The following ANGPT2 variants were observed in gnomAD, a reference collection of about 807,000 sequenced individuals.
ANGPT2 encodes angiopoietin 2, also known as angiopoietin-2.
In ANGPT2, 28 loss-of-function variants were observed where a neutral mutation model predicts 62.9. The ratio of observed to expected loss-of-function variants is 0.44; its 90% CI spans 0.33 to 0.61. The LOEUF is 0.61. Among genes scored for constraint, ANGPT2 ranks in the 20% least tolerant of loss-of-function variants. ANGPT2 has a pLI of 0.03. For synonymous variants in ANGPT2, 284 were observed against 207.8 expected, an observed-to-expected ratio of 1.37 and a Z score of -3.15; for missense variants, 727 against 594.9, an observed-to-expected ratio of 1.22 and a Z score of -2.31.
At chr8:6,524,026 T>C (rs1218628212) in intron 3 of ANGPT2, among the ~76,000 whole-genome samples, 3 of 152,214 alleles carry the variant, frequency 2.0e-5, no homozygotes, top group Non-Finnish European at 4.4e-5. Context: ...TTCATTTTGT[T>C]TGTACAAGGC....
chr8:6,519,097 G>A (rs960584069), intron 5 of ANGPT2, among the ~76,000 whole-genome samples: 1 of 152,182 alleles, frequency 6.6e-6, no homozygotes, highest in African/African-American at 2.4e-5. Context: ...AGTGAACTCC[G>A]CTGCTGGAGA....
chr8:6,548,007 A>C (rs535932752), intron 1 of ANGPT2, among the ~76,000 whole-genome samples: 172 of 151,854 alleles, frequency 1.1e-3, no homozygotes, highest in Middle Eastern at 6.8e-3. Context: ...CCTCAGTTGT[A>C]GAAATTTAGT....
intron 1 of ANGPT2, among the ~76,000 whole-genome samples, chr8:6,533,709 T>A (rs971992286): frequency 6.6e-6 from 1 of 151,936 alleles, no homozygotes; most frequent in East Asian, 1.9e-4. Context: ...GTTTATTACA[T>A]TGAATAATTG....
At chr8:6,549,375 T>G (rs1036861599) in intron 1 of ANGPT2, among the ~76,000 whole-genome samples, 3 of 152,212 alleles carry the variant, frequency 2.0e-5, no homozygotes, top group Non-Finnish European at 4.4e-5. Context: ...TCCAATTACA[T>G]GACATTCAAA....
chr8:6,548,459 C>G (rs541649626), intron 1 of ANGPT2, among the ~76,000 whole-genome samples: 2 of 152,174 alleles, frequency 1.3e-5, no homozygotes, highest in African/African-American at 2.4e-5. Flanking sequence ...GTCGCTAGCT[C>G]TCCTCTGCCC....
chr8:6,517,764 A>T (rs1312961863), intron 5 of ANGPT2, among the ~76,000 whole-genome samples: 1 of 152,024 alleles, frequency 6.6e-6, no homozygotes, highest in East Asian at 1.9e-4. Context: ...AGGTTAAATG[A>T]CTCGCCCAGA....
chr8:6,549,383 A>G (rs1352214482), intron 1 of ANGPT2, among the ~76,000 whole-genome samples: 1 of 152,260 alleles, frequency 6.6e-6, no homozygotes, highest in Admixed American at 6.5e-5. Context: ...CATGACATTC[A>G]AAACCTAGCA....
chr8:6,544,098 G>A (rs1822103495), intron 1 of ANGPT2, among the ~76,000 whole-genome samples: 1 of 152,224 alleles, frequency 6.6e-6, no homozygotes, highest in South Asian at 2.1e-4. Flanking sequence ...ACAGAGAATA[G>A]TATAACTTTT....
intron 1 of ANGPT2, among the ~76,000 whole-genome samples, chr8:6,537,614 A>G (rs182003829): frequency 4.3e-4 from 65 of 151,894 alleles, no homozygotes; most frequent in Middle Eastern, 3.4e-3. Context: ...GAAGTTTTTT[A>G]TTACTCCCAC....
intron 1 of ANGPT2, among the ~76,000 whole-genome samples, chr8:6,554,338 G>C (rs967505671): frequency 1.3e-5 from 2 of 151,736 alleles, no homozygotes; most frequent in Non-Finnish European, 2.9e-5. Context: ...CTGGCTGCTT[G>C]CTTCCTTTTA....
intron 4 of ANGPT2, among the ~76,000 whole-genome samples, chr8:6,520,535 T>G (rs2515438): frequency 0.07 from 10,617 of 151,992 alleles, 438 homozygotes; most frequent in African/African-American, 0.11. Context: ...AGCTGGGATT[T>G]CAGGTGCCCA....
chr8:6,551,868 A>T (rs182059200), intron 1 of ANGPT2, among the ~76,000 whole-genome samples: 4 of 152,360 alleles, frequency 2.6e-5, no homozygotes, highest in Admixed American at 6.5e-5. Context: ...AACATTTCCC[A>T]TTAAGACCAG....
At chr8:6,544,368 A>G (rs1173437719) in intron 1 of ANGPT2, among the ~76,000 whole-genome samples, 1 of 152,236 alleles carries the variant, frequency 6.6e-6, no homozygotes, top group Non-Finnish European at 1.5e-5. Context: ...CTGGAAAGAG[A>G]GACTGTGAAC....
intron 1 of ANGPT2, among the ~76,000 whole-genome samples, chr8:6,553,106 A>G (rs1332012216): frequency 2.0e-5 from 3 of 152,074 alleles, no homozygotes; most frequent in African/African-American, 7.2e-5. Context: ...TCTGGGTGAT[A>G]ATGATGGGTC....
intron 3 of ANGPT2, among the ~76,000 whole-genome samples, chr8:6,522,026 G>A (rs374468091): frequency 6.6e-6 from 1 of 152,286 alleles, no homozygotes; most frequent in Non-Finnish European, 1.5e-5. Flanking sequence ...TATCACCTAG[G>A]TCATGGGGTT....
At chr8:6,553,553 G>C (rs997116948) in intron 1 of ANGPT2, among the ~76,000 whole-genome samples, 2 of 152,152 alleles carry the variant, frequency 1.3e-5, no homozygotes, top group African/African-American at 4.8e-5. Flanking sequence ...TTTTGGTATA[G>C]AACGCCTTTA....
At chr8:6,552,206 C>T (rs184965463) in intron 1 of ANGPT2, among the ~76,000 whole-genome samples, 1 of 152,190 alleles carries the variant, frequency 6.6e-6, no homozygotes, top group Admixed American at 6.5e-5. Context: ...CATTTAGTTC[C>T]TGCCTTCTTC....
At chr8:6,510,089 CG>C (rs978674604) in intron 7 of ANGPT2, among the ~76,000 whole-genome samples, 17 of 152,052 alleles carry the variant, frequency 1.1e-4, no homozygotes, top group African/African-American at 4.1e-4. Context: ...CGGCTTACAT[CG>C]GTCATCTGTG....
intron 1 of ANGPT2, among the ~76,000 whole-genome samples, chr8:6,561,957 G>A (rs1825606855): frequency 6.6e-6 from 1 of 152,134 alleles, no homozygotes; most frequent in Non-Finnish European, 1.5e-5. Flanking sequence ...CGTCCCACGT[G>A]GGGACGCATT....
Sources: gnomAD v4.1 joint callset for allele counts (sites outside exome capture counted in the v4.1 genomes callset) on GRCh38, gnomAD v4.1.1 for gene constraint, MANE v1.5 for transcripts, NCBI Gene and HGNC (gene_info 2026-07-23, HGNC 2026-07-21) for gene names.